Variants in ATP8B1 observed in about 807,000 individuals in gnomAD.
ATP8B1 encodes the protein ATPase phospholipid transporting 8B1.
Under a neutral mutation model 149.9 loss-of-function variants are expected in ATP8B1, and 80 were observed. The observed-to-expected ratio is 0.53, with a 90% CI of 0.45 to 0.64. ATP8B1 has a LOEUF of 0.64. ATP8B1 is among the 30% of genes least tolerant of loss of function. ATP8B1 has a pLI of 0.00. For synonymous variants in ATP8B1, 536 were observed against 562.8 expected, an observed-to-expected ratio of 0.95 and a Z score of 0.67; for missense variants, 1,247 against 1,552.6, an observed-to-expected ratio of 0.80 and a Z score of 3.31.
At chr18:57,787,139 T>C (rs927934266) in intron 1 of ATP8B1, among the ~76,000 whole-genome samples, 1 of 152,228 alleles carries the variant, frequency 6.6e-6, no homozygotes, top group South Asian at 2.1e-4. Context: ...CAGGATCCTC[T>C]GGACCGGAAA....
intron 11 of ATP8B1, among the ~76,000 whole-genome samples, chr18:57,693,758 G>A (rs1382181333): frequency 6.9e-6 from 1 of 144,570 alleles, no homozygotes; most frequent in Non-Finnish European, 1.5e-5. Context: ...ATGCCTAACT[G>A]TGCAAACAGC....
At chr18:57,705,152 T>A (rs1913327353) in intron 3 of ATP8B1, among the ~76,000 whole-genome samples, 1 of 152,232 alleles carries the variant, frequency 6.6e-6, no homozygotes. Context: ...AGCCTCAAAA[T>A]GACTACTTGG....
intron 2 of ATP8B1, among the ~76,000 whole-genome samples, chr18:57,728,286 T>G (rs749105438): frequency 6.6e-6 from 1 of 152,190 alleles, no homozygotes; most frequent in Non-Finnish European, 1.5e-5. Flanking sequence ...GGGTGACTCA[T>G]GTTCTGATGT....
intron 1 of ATP8B1, among the ~76,000 whole-genome samples, chr18:57,768,515 T>C (rs2080237429): frequency 7.2e-6 from 1 of 138,810 alleles, no homozygotes; most frequent in Non-Finnish European, 1.5e-5. Context: ...AAATAACCAG[T>C]CAAGGGAATT....
At position 57,754,026 on chromosome 18, in the gene ATP8B1, TTA is replaced by T. The variant is rs147456917; in HGVS notation, c.-25-22196_-25-22195del. ...AAATGTTATAGAAAACTATAATGTT[TTA>T]TGAGTCAGGGCCACTCCATTTGCAT... On this transcript the variant is annotated intron_variant, in intron 1 of 27. Coordinates refer to ENST00000648908, the MANE Select transcript of ATP8B1 (RefSeq NM_001374385.1). 2.0e-3 allele frequency among the ~76,000 whole-genome samples: 296 copies of T among 151,592 alleles called. 1 individual carries two copies. Among genetic ancestry groups the T allele is most frequent in the African/African-American group, 6.2e-3 (254 of 41,176 alleles).
intron 24 of ATP8B1, among the ~76,000 whole-genome samples, chr18:57,653,656 A>G (rs1013075372): frequency 6.8e-6 from 1 of 146,966 alleles, no homozygotes; most frequent in Non-Finnish European, 1.5e-5. Flanking sequence ...AATGAATTCA[A>G]CCCAGTCACA....
chr18:57,761,145 A>C (rs976007810), intron 1 of ATP8B1, among the ~76,000 whole-genome samples: 1 of 148,822 alleles, frequency 6.7e-6, no homozygotes, highest in African/African-American at 2.5e-5. Flanking sequence ...AAAATAAAAT[A>C]AAATAAAGAA....
At chr18:57,794,777 C>T (rs1045461055) in intron 1 of ATP8B1, among the ~76,000 whole-genome samples, 2 of 143,612 alleles carry the variant, frequency 1.4e-5, no homozygotes, top group East Asian at 2.0e-4. Flanking sequence ...GGCGACAGAG[C>T]GAAACTCCGC....
intron 1 of ATP8B1, among the ~76,000 whole-genome samples, chr18:57,789,601 C>T (rs2080441780): frequency 6.6e-6 from 1 of 152,172 alleles, no homozygotes; most frequent in Admixed American, 6.6e-5. Flanking sequence ...CAAGAAATTC[C>T]CTGGCTTTAG....
chr18:57,745,363 C>T (rs1019847732), intron 1 of ATP8B1, among the ~76,000 whole-genome samples: 1 of 151,254 alleles, frequency 6.6e-6, no homozygotes, highest in Non-Finnish European at 1.5e-5. Context: ...CCTCCGCCTC[C>T]CGGGCTCAAG....
intron 2 of ATP8B1, among the ~76,000 whole-genome samples, chr18:57,709,327 A>G (rs555368248): frequency 2.2e-4 from 33 of 152,356 alleles, no homozygotes; most frequent in South Asian, 6.2e-4. Context: ...TTGCTTGTAC[A>G]TTAAAGGCTG....
At position 57,687,176 on chromosome 18, in the gene ATP8B1, C is replaced by T. The variant is rs570466654; in HGVS notation, c.1429+1123G>A. Among the ~76,000 whole-genome samples, 14 of 152,288 alleles carry T rather than the reference C, an allele frequency of 9.2e-5. No homozygotes were observed. The South Asian group carries it at 2.9e-3, about 32-fold the overall frequency. ...ACAGTTCAGTGGCATCAAGTATATT[C>T]ACACTGTTGTGCAGCTGTTTCATCT... On this transcript the variant is annotated intron_variant, in intron 13 of 27. Transcript: ENST00000648908.
chr18:57,666,986 G>T, intron 20 of ATP8B1, 106 bp downstream of exon 20: 2 of 1,010,434 alleles, frequency 2.0e-6, no homozygotes, highest in Non-Finnish European at 3.1e-6. Context: ...TGCCCCAAGT[G>T]ACACATCGTA....
intron 2 of ATP8B1, among the ~76,000 whole-genome samples, chr18:57,724,023 G>T (rs1368789852): frequency 6.6e-5 from 10 of 151,510 alleles, no homozygotes; most frequent in Admixed American, 4.6e-4. Flanking sequence ...TTAATAAATG[G>T]TGCTGGGAAA....
At chr18:57,682,375 C>T (rs758701287) in intron 15 of ATP8B1, among the ~76,000 whole-genome samples, 13 of 152,254 alleles carry the variant, frequency 8.5e-5, no homozygotes, top group African/African-American at 3.1e-4. Flanking sequence ...AGAGAGGGAC[C>T]CAGACTGGGC....
intron 12 of ATP8B1, among the ~76,000 whole-genome samples, chr18:57,689,844 C>T (rs541960566): frequency 1.6e-4 from 24 of 152,124 alleles, no homozygotes; most frequent in African/African-American, 3.6e-4. Context: ...GGTGAAACCC[C>T]GTCTCTACTA....
At chr18:57,747,453 C>CA (rs35857076) in intron 1 of ATP8B1, among the ~76,000 whole-genome samples, 1,576 of 136,090 alleles carry the variant, frequency 0.012, 27 homozygotes, top group African/African-American at 0.036. Context: ...AACTCTATCT[C>CA]AAAAAAAAAA....
rs1478123438 is a variant in ATP8B1, at chr18:57,701,020, T to C, written c.554+19A>G. ...ATGCATTACATCCTTGAAACTCAGTTACTAATTAGACACAGTACCTGCCAT... is the reference window on the plus strand; with the variant it reads ...ATGCATTACATCCTTGAAACTCAGTCACTAATTAGACACAGTACCTGCCAT... On this transcript the variant is annotated intron_variant, in intron 6 of 27. Coordinates refer to ENST00000648908, the MANE Select transcript of ATP8B1 (RefSeq NM_001374385.1). 2 of 1,605,316 alleles carry C rather than the reference T, an allele frequency of 1.2e-6. No individual in the cohort carries two copies. Among genetic ancestry groups the C allele is most frequent in the Non-Finnish European group, 1.7e-6 (2 of 1,172,098 alleles).
At chr18:57,672,836 A>G (rs1254052664) in intron 16 of ATP8B1, among the ~76,000 whole-genome samples, 6 of 135,110 alleles carry the variant, frequency 4.4e-5, no homozygotes, top group African/African-American at 1.7e-4. Flanking sequence ...ATTGCACTTC[A>G]GCCTGGGCAG....
Sources: allele counts gnomAD v4.1 joint callset (sites outside exome capture counted in the v4.1 genomes callset), GRCh38; gene constraint gnomAD v4.1.1; transcripts MANE v1.5; gene names NCBI Gene and HGNC (gene_info 2026-07-23, HGNC 2026-07-21).